Variants in STX12 observed in about 807,000 individuals in gnomAD.
STX12 encodes the protein syntaxin-12.
Under a neutral mutation model 42.2 loss-of-function variants are expected in STX12, and 17 were observed. The ratio of observed to expected loss-of-function variants is 0.40; its 90% CI spans 0.28 to 0.60. STX12 has a LOEUF of 0.60. Among genes scored for constraint, STX12 ranks in the 20% least tolerant of loss-of-function variants. The pLI is 0.39. For synonymous variants in STX12, 108 were observed against 116.7 expected, an observed-to-expected ratio of 0.93 and a Z score of 0.48; for missense variants, 297 against 330.9, an observed-to-expected ratio of 0.90 and a Z score of 0.79.
chr1:27,821,618 A>ATT (rs1463209238), intron 8 of STX12, among the ~76,000 whole-genome samples: 19 of 152,302 alleles, frequency 1.2e-4, no homozygotes, highest in African/African-American at 4.6e-4. Context: ...TGTTATTAAA[A>ATT]TACACATGCA....
chr1:27,814,502 T>C (rs772442816), intron 6 of STX12, among the ~76,000 whole-genome samples: 2 of 152,144 alleles, frequency 1.3e-5, no homozygotes, highest in East Asian at 1.9e-4. Flanking sequence ...CAATCCAGCC[T>C]GGGCAACAGA....
intron 6 of STX12, 48 bp downstream of exon 6, chr1:27,812,316 A>G: frequency 7.4e-7 from 1 of 1,351,848 alleles, no homozygotes; most frequent in Non-Finnish European, 1.0e-6. Context: ...GTCTGCAGGT[A>G]TCTGAACTCC....
rs565474783 is a variant in STX12 at position 27,823,274 on chromosome 1, G to A, written c.*945G>A. The A allele has an allele frequency of 6.6e-6, 1 of 152,506 alleles. No individual in the cohort carries two copies. The highest frequency in any genetic ancestry group is 1.5e-5 in the Non-Finnish European group (1 of 68,026). The allele number at this position is 152,506 out of a possible 1,614,324, so 9.4% of individuals were successfully genotyped here. The stretch of plus-strand genomic sequence containing the variant: ...GTTGCTGGGCATTTGAAGGCAGGAA[G>A]ATTTTTAAAGATAGATTGAGGTTGG... On this transcript the variant is annotated 3_prime_UTR_variant, in exon 9 of 9. Transcript: ENST00000373943.
chr1:27,819,611 C>G (rs1340911571), intron 7 of STX12, 39 bp from the exon 8 acceptor site: 1 of 1,568,986 alleles, frequency 6.4e-7, no homozygotes. Flanking sequence ...CTTAAAACAT[C>G]TGAGTGTGTT....
chr1:27,798,759 C>T (rs1370489018), intron 3 of STX12, among the ~76,000 whole-genome samples: 30 of 117,238 alleles, frequency 2.6e-4, no homozygotes, highest in Non-Finnish European at 2.7e-4. Context: ...CCAGACTGGA[C>T]GACAGAGCGA....
chr1:27,779,949 G>A (rs891784734), intron 1 of STX12, among the ~76,000 whole-genome samples: 9 of 149,044 alleles, frequency 6.0e-5, no homozygotes, highest in Non-Finnish European at 1.0e-4. Context: ...GTACCACCAC[G>A]CCCGGCTAAT....
chr1:27,801,833 A>G lies in STX12; in HGVS notation c.426+18A>G. On this transcript the variant is annotated intron_variant, in intron 4 of 8. Transcript: ENST00000373943. ...GTCTTTCTGTAAGTTGATTCCCAAA[A>G]GAAGACCTTTGCAATATCAGAATGT... The G allele has an allele frequency of 1.3e-6, 2 of 1,569,062 alleles. No homozygotes were observed. Among genetic ancestry groups the G allele is most frequent in the Non-Finnish European group, 1.7e-6 (2 of 1,166,300 alleles).
intron 8 of STX12, among the ~76,000 whole-genome samples, chr1:27,821,070 T>G: frequency 6.8e-6 from 1 of 147,668 alleles, no homozygotes. Flanking sequence ...TAATGCTAGA[T>G]GACGAGTTAG....
At position 27,793,514 on chromosome 1, in the gene STX12, CAT is replaced by C; in HGVS notation, c.189-16_189-15del. The stretch of plus-strand genomic sequence containing the variant: ...CTCAAGAAGTGACAACATCCTGAAA[CAT>C]ATCTTTTCTCTCTTAGGCAACAGTT... On this transcript the variant is annotated splice_polypyrimidine_tract_variant and intron_variant, in intron 2 of 8. Coordinates refer to ENST00000373943, the MANE Select transcript of STX12 (RefSeq NM_177424.3). 1.5e-5 allele frequency: 24 copies of C among 1,606,062 alleles called. No homozygotes were observed. The highest frequency in any genetic ancestry group is 2.0e-5 in the Non-Finnish European group (24 of 1,172,836).
chr1:27,818,272 T>G (rs901871110), intron 7 of STX12, among the ~76,000 whole-genome samples: 2 of 151,994 alleles, frequency 1.3e-5, no homozygotes, highest in South Asian at 4.1e-4. Context: ...TCCCAGCTAC[T>G]CGGGAGGCTG....
chr1:27,809,582 G>C (rs1015062614), intron 4 of STX12, among the ~76,000 whole-genome samples: 3 of 148,996 alleles, frequency 2.0e-5, no homozygotes, highest in African/African-American at 5.0e-5. Context: ...TTAGCCTCCT[G>C]AGTAGCTGGG....
intron 6 of STX12, among the ~76,000 whole-genome samples, chr1:27,816,572 G>A (rs919871205): frequency 4.7e-5 from 7 of 150,130 alleles, no homozygotes; most frequent in East Asian, 3.9e-4. Flanking sequence ...TTGGGAGGCC[G>A]AGGCAGGCGG....
chr1:27,810,439 G>A, intron 5 of STX12, 150 bp downstream of exon 5: 1 of 700,634 alleles, frequency 1.4e-6, no homozygotes, highest in Non-Finnish European at 2.3e-6. Context: ...AAATTAAAAA[G>A]GCAAAACCAT....
chr1:27,785,461 T>C (rs771362679), intron 1 of STX12, among the ~76,000 whole-genome samples: 24 of 152,244 alleles, frequency 1.6e-4, no homozygotes, highest in Admixed American at 9.8e-4. Context: ...TTCACTGTTA[T>C]TGAATTTTGG....
chr1:27,798,746 A>G (rs2088805277), intron 3 of STX12, among the ~76,000 whole-genome samples: 1 of 138,962 alleles, frequency 7.2e-6, no homozygotes, highest in Non-Finnish European at 1.5e-5. Context: ...GTGCCACTGC[A>G]CTCCAGACTG....
intron 1 of STX12, 39 bp downstream of exon 1, chr1:27,773,464 C>T (rs771609825): frequency 1.1e-5 from 18 of 1,589,668 alleles, no homozygotes; most frequent in Non-Finnish European, 1.4e-5. Flanking sequence ...GGAGCTGTCC[C>T]GGGGACAGGC....
At chr1:27,780,930 G>C (rs562333539) in intron 1 of STX12, among the ~76,000 whole-genome samples, 1 of 151,960 alleles carries the variant, frequency 6.6e-6, no homozygotes, top group African/African-American at 2.4e-5. Context: ...CTGCACTCCA[G>C]TCTGGGTGAC....
intron 4 of STX12, among the ~76,000 whole-genome samples, chr1:27,806,168 C>A (rs534842273): frequency 6.6e-6 from 1 of 152,274 alleles, no homozygotes; most frequent in African/African-American, 2.4e-5. Flanking sequence ...TACAAGTCTT[C>A]CGAAATTTTA....
Position 27,810,272 on chromosome 1 carries a change from GCTGGTCTCATTTGA to G in STX12, c.455_468del (p.Leu152GlnfsTer3), listed in dbSNP as rs2088893979. 1 of 1,613,614 alleles carries G rather than the reference GCTGGTCTCATTTGA, an allele frequency of 6.2e-7. No individual in the cohort carries two copies. The highest frequency in any genetic ancestry group is 8.5e-7 in the Non-Finnish European group (1 of 1,179,760). On this transcript the variant is annotated frameshift_variant, in exon 5 of 9. Coordinates refer to ENST00000373943, the MANE Select transcript of STX12 (RefSeq NM_177424.3). LOFTEE classifies it high-confidence loss of function. ...CAGAAGAGAGGCAAAGAGAGGAGCA[GCTGGTCTCATTTGA>G]CAGGTAATAGAATTATTCATACAAC...
Sources: allele counts gnomAD v4.1 joint callset (sites outside exome capture counted in the v4.1 genomes callset), GRCh38; gene constraint gnomAD v4.1.1; transcripts MANE v1.5; gene names NCBI Gene and HGNC (gene_info 2026-07-23, HGNC 2026-07-21).